Variants in SPATA17 observed in about 807,000 individuals in gnomAD.
SPATA17 encodes the protein spermatogenesis associated 17.
A neutral mutation model predicts 62.2 loss-of-function variants in SPATA17; 53 were observed. The observed-to-expected ratio is 0.85, with a 90% confidence interval of 0.68 to 1.07. SPATA17 has a LOEUF of 1.07. Among genes scored for constraint, SPATA17 ranks in the 50% least tolerant of loss-of-function variants. The probability of loss-of-function intolerance (pLI) is 0.00; values close to 1 mark genes in which losing one functional copy is unlikely to be tolerated. For synonymous variants in SPATA17, 146 were observed against 146.8 expected (o/e 0.99, Z 0.04); for missense variants, 466 against 425.5 (o/e 1.10, Z -0.84).
At chr1:217,851,852 T>G (rs1006998632) in intron 9 of SPATA17, among the ~76,000 whole-genome samples, 3 of 152,322 alleles carry the variant, frequency 2.0e-5, no homozygotes, top group African/African-American at 7.2e-5. Flanking sequence ...AGGCTATCAT[T>G]TGCACATTTA....
At chr1:217,861,864 G>A (rs1675903392) in intron 9 of SPATA17, among the ~76,000 whole-genome samples, 1 of 152,084 alleles carries the variant, frequency 6.6e-6, no homozygotes, top group African/African-American at 2.4e-5. Context: ...TTTCCCTGGG[G>A]CTTGAAAAAG....
At chr1:217,797,802 T>A (rs1674189679) in intron 8 of SPATA17, among the ~76,000 whole-genome samples, 1 of 152,132 alleles carries the variant, frequency 6.6e-6, no homozygotes, top group African/African-American at 2.4e-5. Context: ...CCTTAATACG[T>A]CTGGAGTGGA....
At chr1:217,669,599 G>T (rs1219193889) in intron 4 of SPATA17, among the ~76,000 whole-genome samples, 8 of 152,100 alleles carry the variant, frequency 5.3e-5, no homozygotes, top group African/African-American at 1.7e-4. Context: ...CTCGGTTTCT[G>T]CACTGATCTT....
intron 9 of SPATA17, among the ~76,000 whole-genome samples, chr1:217,838,495 T>C (rs2103005446): frequency 6.6e-6 from 1 of 152,146 alleles, no homozygotes; most frequent in Admixed American, 6.6e-5. Context: ...AAAGTGAATT[T>C]TTTTCTTTTA....
chr1:217,744,707 T>C (rs909579062), intron 6 of SPATA17, among the ~76,000 whole-genome samples: 3 of 152,170 alleles, frequency 2.0e-5, no homozygotes, highest in Non-Finnish European at 4.4e-5. Context: ...AAAATAATTA[T>C]TTTTGAGGCA....
chr1:217,679,492 A>G (rs1006402787), intron 4 of SPATA17, among the ~76,000 whole-genome samples: 3 of 152,146 alleles, frequency 2.0e-5, no homozygotes, highest in Admixed American at 1.3e-4. Flanking sequence ...CACCCACTCA[A>G]ATGCTGTTTC....
intron 4 of SPATA17, among the ~76,000 whole-genome samples, chr1:217,682,940 G>T (rs942519469): frequency 2.6e-5 from 4 of 151,738 alleles, no homozygotes; most frequent in African/African-American, 9.7e-5. Flanking sequence ...AAATTGATTT[G>T]CCCAGGAAGT....
chr1:217,826,327 C>T (rs953921020), intron 9 of SPATA17, among the ~76,000 whole-genome samples: 8 of 152,118 alleles, frequency 5.3e-5, no homozygotes, highest in African/African-American at 1.9e-4. Context: ...CCATTATTAT[C>T]ATCTCTTTGT....
At chr1:217,661,033 T>C (rs1254249874) in intron 3 of SPATA17, among the ~76,000 whole-genome samples, 2 of 152,068 alleles carry the variant, frequency 1.3e-5, no homozygotes, top group Non-Finnish European at 2.9e-5. Context: ...CACATCAAAA[T>C]TAGAACTCAA....
chr1:217,794,009 T>A (rs1268352237), intron 8 of SPATA17, among the ~76,000 whole-genome samples: 2 of 150,142 alleles, frequency 1.3e-5, no homozygotes, highest in Non-Finnish European at 3.0e-5. Flanking sequence ...CCAGCTACTC[T>A]GGAGGGTAAG....
At chr1:217,791,725 G>T (rs1673998280) in intron 8 of SPATA17, among the ~76,000 whole-genome samples, 1 of 152,160 alleles carries the variant, frequency 6.6e-6, no homozygotes, top group Non-Finnish European at 1.5e-5. Context: ...ACTTTATGTG[G>T]TAGAGACATT....
At chr1:217,788,207 G>A (rs764829506) in intron 8 of SPATA17, among the ~76,000 whole-genome samples, 8 of 152,136 alleles carry the variant, frequency 5.3e-5, no homozygotes, top group Non-Finnish European at 1.0e-4. Context: ...ATTATGAGAG[G>A]TGTAAAAGTC....
chr1:217,811,709 A>C (rs1050835619), intron 9 of SPATA17, among the ~76,000 whole-genome samples: 1 of 151,748 alleles, frequency 6.6e-6, no homozygotes, highest in Non-Finnish European at 1.5e-5. Context: ...AAAAAAAAAA[A>C]ACTATGTCTC....
chr1:217,726,759 G>A (rs566758274), intron 5 of SPATA17, among the ~76,000 whole-genome samples: 2 of 151,592 alleles, frequency 1.3e-5, no homozygotes, highest in South Asian at 2.1e-4. Flanking sequence ...AGGGTTATAG[G>A]CAAAAGAGCA....
At chr1:217,850,617 T>C in intron 9 of SPATA17, 1 of 1,594,110 alleles carries the variant, frequency 6.3e-7, no homozygotes, top group Non-Finnish European at 8.6e-7. Flanking sequence ...AGTCAGGGTC[T>C]TCACGAAGAT....
intron 7 of SPATA17, among the ~76,000 whole-genome samples, chr1:217,775,118 G>A (rs762583098): frequency 1.1e-4 from 16 of 152,026 alleles, no homozygotes; most frequent in Non-Finnish European, 1.8e-4. Flanking sequence ...CCATCAACAG[G>A]GCACAAGGGT....
intron 5 of SPATA17, among the ~76,000 whole-genome samples, chr1:217,725,213 A>G (rs1672233356): frequency 6.6e-6 from 1 of 152,176 alleles, no homozygotes; most frequent in Admixed American, 6.6e-5. Flanking sequence ...TTATTGCTTC[A>G]TCTCTTACTG....
rs947176659 is a variant in SPATA17 at position 217,782,169 on chromosome 1, G to T, written c.724-5G>T. 9 of 1,585,810 alleles carry T rather than the reference G, an allele frequency of 5.7e-6. No homozygotes were observed. The highest frequency in any genetic ancestry group is 5.1e-6 in the Non-Finnish European group (6 of 1,168,856). On this transcript the variant is annotated splice_polypyrimidine_tract_variant and splice_region_variant and intron_variant, in intron 7 of 10. Transcript: ENST00000366933. The stretch of plus-strand genomic sequence containing the variant: ...TAAAATATGTTCCTCATCCTGTCTT[G>T]TCAGGGGCCCTTCCGAGATATCACC...
intron 6 of SPATA17, among the ~76,000 whole-genome samples, chr1:217,767,417 G>T (rs1673326943): frequency 6.6e-6 from 1 of 152,018 alleles, no homozygotes; most frequent in Admixed American, 6.6e-5. Flanking sequence ...ACATCAGTTT[G>T]GGTAAATTCC....
Sources: allele counts gnomAD v4.1 joint callset (sites outside exome capture counted in the v4.1 genomes callset), GRCh38; gene constraint gnomAD v4.1.1; transcripts MANE v1.5; gene names NCBI Gene and HGNC (gene_info 2026-07-23, HGNC 2026-07-21).